Variants in GLB1L3 observed in about 807,000 individuals in gnomAD.
The protein encoded by GLB1L3 is galactosidase beta 1 like 3.
A neutral mutation model predicts 89.5 loss-of-function variants in GLB1L3; 89 were observed. That is an observed-to-expected ratio of 0.99 (90% CI 0.84 to 1.19). The LOEUF (loss-of-function observed/expected upper bound fraction) is 1.19, where lower values mean the gene tolerates loss of function less well. Ranked by LOEUF, GLB1L3 falls within the 50% of genes most tolerant of loss-of-function variation. The pLI is 0.00. For missense variants in GLB1L3, 812 were observed against 813.3 expected (o/e 1.00, Z 0.02); for synonymous variants, 314 against 312.3 (o/e 1.01, Z -0.06).
At chr11:134,276,809 C>G (rs1042367267) in intron 1 of GLB1L3, 46 bp downstream of exon 1, 3 of 1,363,896 alleles carry the variant, frequency 2.2e-6, no homozygotes, top group African/African-American at 1.5e-5. Context: ...CACCCCGGCG[C>G]GTGCCCGGGA....
chr11:134,304,248 C>T (rs1343008440), intron 9 of GLB1L3, among the ~76,000 whole-genome samples: 1 of 152,056 alleles, frequency 6.6e-6, no homozygotes, highest in Non-Finnish European at 1.5e-5. Flanking sequence ...ATACTTTCTT[C>T]TGATTTATTT....
At chr11:134,321,235 C>G (rs1943163875), downstream of GLB1L3, among the ~76,000 whole-genome samples, 1 of 152,114 alleles carries the variant, frequency 6.6e-6, no homozygotes, top group Non-Finnish European at 1.5e-5. Context: ...TTCTGTAATT[C>G]TCAGATATTA....
At chr11:134,287,488 C>T (rs1257910269) in intron 6 of GLB1L3, among the ~76,000 whole-genome samples, 1 of 152,138 alleles carries the variant, frequency 6.6e-6, no homozygotes, top group Non-Finnish European at 1.5e-5. Context: ...TTACTTGGGA[C>T]TTTTATTCTT....
chr11:134,292,352 T>C, intron 8 of GLB1L3, 139 bp downstream of exon 8: 3 of 619,974 alleles, frequency 4.8e-6, no homozygotes, highest in Non-Finnish European at 8.6e-6. Context: ...TGGAGTTCGA[T>C]GTTACAATAA....
At chr11:134,297,447 C>G (rs1294600954) in intron 9 of GLB1L3, among the ~76,000 whole-genome samples, 11 of 151,992 alleles carry the variant, frequency 7.2e-5, no homozygotes, top group Non-Finnish European at 1.3e-4. Context: ...TACTTTGTTT[C>G]TTTCTTGTTC....
At chr11:134,285,326 C>CA (rs1940920868) in intron 6 of GLB1L3, among the ~76,000 whole-genome samples, 1 of 151,824 alleles carries the variant, frequency 6.6e-6, no homozygotes, top group Non-Finnish European at 1.5e-5. Context: ...AGGTCTGTGA[C>CA]AAAAAAAGAA....
chr11:134,308,253 TCACCAC>T (rs1201983105), intron 10 of GLB1L3, among the ~76,000 whole-genome samples: 1 of 21,558 alleles, frequency 4.6e-5, no homozygotes, highest in South Asian at 1.7e-3. Flanking sequence ...ATCACCACCA[TCACCAC>T]CACCACCACC....
chr11:134,294,542 C>T (rs555799174), intron 9 of GLB1L3, among the ~76,000 whole-genome samples: 1 of 152,264 alleles, frequency 6.6e-6, no homozygotes, highest in South Asian at 2.1e-4. Flanking sequence ...ATTTGTACAC[C>T]ATTAAATTCA....
intron 9 of GLB1L3, among the ~76,000 whole-genome samples, chr11:134,300,095 A>T (rs1269610957): frequency 6.6e-6 from 1 of 152,156 alleles, no homozygotes; most frequent in Non-Finnish European, 1.5e-5. Flanking sequence ...AGGACCATAG[A>T]CTGTGTGGCT....
At chr11:134,305,141 C>T (rs1400469079) in intron 9 of GLB1L3, 1 of 1,512,764 alleles carries the variant, frequency 6.6e-7, no homozygotes, top group South Asian at 1.2e-5. Flanking sequence ...CAGGACTGCT[C>T]TCAGATGCCT....
intron 10 of GLB1L3, among the ~76,000 whole-genome samples, chr11:134,308,637 A>C (rs145817190): frequency 0.12 from 8,126 of 69,738 alleles, 1 homozygote; most frequent in South Asian, 0.25. Context: ...ATCACCATCA[A>C]CACCATCACC....
chr11:134,282,808 G>A (rs1013395107), intron 5 of GLB1L3, among the ~76,000 whole-genome samples: 3 of 152,172 alleles, frequency 2.0e-5, no homozygotes, highest in Admixed American at 6.5e-5. Flanking sequence ...AGTCAGATGA[G>A]GCCTTTGCTT....
Position 134,313,419 on chromosome 11 carries a change from G to T in GLB1L3, c.1524G>T (p.Leu508=). The T allele has an allele frequency of 6.3e-7, 1 of 1,584,754 alleles. No homozygotes were observed. Residue 508 remains leucine (L), a synonymous_variant, in exon 16 of 20, where the codon CTG becomes CTT. Transcript: ENST00000431683. Reference sequence around the variant, plus strand: ...AGGACTGCCGATACCTGAGGATCCTGGTGGAGAATCAAGGACGAGTCAATT... The same window carrying T: ...AGGACTGCCGATACCTGAGGATCCTTGTGGAGAATCAAGGACGAGTCAATT... ...ELRDCRYLRI[L]VENQGRVNFS... is the part of the protein sequence containing the mutation.
Position 134,300,960 on chromosome 11 carries a change from A to T in GLB1L3, c.877-6164A>T, listed in dbSNP as rs186729559. On this transcript the variant is annotated intron_variant, in intron 9 of 19. Transcript: ENST00000431683. Reference sequence around the variant, plus strand: ...AGCCTGCAACAGAGACTTGCCCGGGATTCTCCCGAATCTCCCCTCAGAACA... The same window carrying T: ...AGCCTGCAACAGAGACTTGCCCGGGTTTCTCCCGAATCTCCCCTCAGAACA... 3.1e-3 allele frequency among the ~76,000 whole-genome samples: 472 copies of T among 152,288 alleles called. 4 individuals carry two copies. The highest frequency in any genetic ancestry group is 0.01 in the African/African-American group (436 of 41,558).
At chr11:134,319,903 C>T (rs1227551923), downstream of GLB1L3, among the ~76,000 whole-genome samples, 1 of 152,136 alleles carries the variant, frequency 6.6e-6, no homozygotes, top group Non-Finnish European at 1.5e-5. Flanking sequence ...TCATTTGCTT[C>T]AGACACGTGT....
At chr11:134,275,774 GCGGCCTCC>G (rs1427328098), upstream of GLB1L3, 5 of 152,184 alleles carry the variant, frequency 3.3e-5, no homozygotes, top group East Asian at 3.9e-4. Context: ...CCTGAAACAT[GCGGCCTCC>G]CGGACTCCTC....
At chr11:134,278,876 T>G (rs1353756883) in intron 3 of GLB1L3, among the ~76,000 whole-genome samples, 2 of 152,232 alleles carry the variant, frequency 1.3e-5, no homozygotes, top group Non-Finnish European at 2.9e-5. Flanking sequence ...TTTTCTTCAC[T>G]GTTCTTTTGA....
intron 18 of GLB1L3, among the ~76,000 whole-genome samples, chr11:134,317,765 AT>A (rs2136237319): frequency 6.6e-6 from 1 of 152,246 alleles, no homozygotes; most frequent in South Asian, 2.1e-4. Flanking sequence ...TTGTATAAAA[AT>A]TTCCCGCTAT....
At chr11:134,309,446 TG>T (rs373557610) in intron 10 of GLB1L3, among the ~76,000 whole-genome samples, 179 bp from the exon 11 acceptor site, 4,290 of 150,880 alleles carry the variant, frequency 0.028, 109 homozygotes, top group Non-Finnish European at 0.043. Flanking sequence ...AGAGAAAAAT[TG>T]TTTTTTTTTT....
Sources: allele counts gnomAD v4.1 joint callset (sites outside exome capture counted in the v4.1 genomes callset), GRCh38; gene constraint gnomAD v4.1.1; transcripts MANE v1.5; gene names NCBI Gene and HGNC (gene_info 2026-07-23, HGNC 2026-07-21).